ERC2: variants seen among roughly 807,000 people sequenced by gnomAD.
ERC2 encodes ELKS/RAB6-interacting/CAST family member 2, also known as ERC protein 2.
Under a neutral mutation model 114.8 loss-of-function variants are expected in ERC2, and 42 were observed. The ratio of observed to expected loss-of-function variants is 0.37; its 90% CI spans 0.29 to 0.47. The LOEUF (loss-of-function observed/expected upper bound fraction) is 0.47, where lower values mean the gene tolerates loss of function less well. ERC2 is among the 20% of genes least tolerant of loss of function. The pLI is 0.99. For synonymous variants in ERC2, 454 were observed against 425.5 expected (o/e 1.07, Z -0.82); for missense variants, 939 against 1,150.7 (o/e 0.82, Z 2.66).
intron 11 of ERC2, among the ~76,000 whole-genome samples, chr3:55,989,501 T>C (rs61302423): frequency 0.033 from 4,967 of 152,252 alleles, 295 homozygotes; most frequent in African/African-American, 0.11. Context: ...GTAGATCTCT[T>C]GCAGCCCAGC....
intron 6 of ERC2, among the ~76,000 whole-genome samples, chr3:56,107,411 C>T (rs9860909): frequency 0.17 from 26,072 of 151,922 alleles, 2,444 homozygotes; most frequent in African/African-American, 0.23. Context: ...TAGTCTCTGA[C>T]TCAACCAAGG....
At chr3:56,060,187 C>T (rs1381209035) in intron 7 of ERC2, among the ~76,000 whole-genome samples, 2 of 152,186 alleles carry the variant, frequency 1.3e-5, no homozygotes, top group Non-Finnish European at 2.9e-5. Flanking sequence ...TCAATGAACA[C>T]ACAAATGAAG....
intron 17 of ERC2, among the ~76,000 whole-genome samples, chr3:55,562,680 C>T (rs2056104865): frequency 6.6e-6 from 1 of 152,130 alleles, no homozygotes; most frequent in Non-Finnish European, 1.5e-5. Flanking sequence ...AGCCCAATTG[C>T]CCTCCCATCC....
intron 17 of ERC2, among the ~76,000 whole-genome samples, chr3:55,535,255 T>C (rs1365218109): frequency 1.3e-5 from 2 of 152,212 alleles, no homozygotes; most frequent in Admixed American, 6.5e-5. Context: ...AAATATCCTC[T>C]GGAATATTGG....
At chr3:55,537,904 A>T (rs1449626902) in intron 17 of ERC2, among the ~76,000 whole-genome samples, 1 of 152,146 alleles carries the variant, frequency 6.6e-6, no homozygotes, top group East Asian at 1.9e-4. Context: ...TGTGCCTATT[A>T]CTCTATTAGA....
intron 1 of ERC2, among the ~76,000 whole-genome samples, chr3:56,455,016 C>T (rs1285152173): frequency 1.3e-5 from 2 of 151,892 alleles, no homozygotes; most frequent in Non-Finnish European, 2.9e-5. Context: ...TTCATAGAGA[C>T]AGAAAGTATA....
At chr3:55,806,819 T>C (rs927466879) in intron 14 of ERC2, among the ~76,000 whole-genome samples, 2 of 152,138 alleles carry the variant, frequency 1.3e-5, no homozygotes, top group African/African-American at 2.4e-5. Context: ...CCAACTGACG[T>C]TGGGCAAATG....
At chr3:55,590,329 G>A (rs952104739) in intron 17 of ERC2, among the ~76,000 whole-genome samples, 3 of 152,188 alleles carry the variant, frequency 2.0e-5, no homozygotes, top group African/African-American at 7.2e-5. Flanking sequence ...AAACATCATA[G>A]AAACAAATTT....
chr3:55,956,527 AT>A (rs1195526010), intron 12 of ERC2, among the ~76,000 whole-genome samples: 2,054 of 151,668 alleles, frequency 0.014, 47 homozygotes, highest in African/African-American at 0.047. Context: ...TATTCTAAGG[AT>A]TTTTTTTTAT....
At chr3:56,041,164 G>C (rs1299899178) in intron 7 of ERC2, among the ~76,000 whole-genome samples, 1 of 151,918 alleles carries the variant, frequency 6.6e-6, no homozygotes, top group Non-Finnish European at 1.5e-5. Context: ...ATTTTCTATT[G>C]TATCTTGGAC....
intron 6 of ERC2, among the ~76,000 whole-genome samples, chr3:56,116,145 T>C (rs1350679173): frequency 6.6e-6 from 1 of 152,186 alleles, no homozygotes; most frequent in Non-Finnish European, 1.5e-5. Context: ...GGTAATGAAC[T>C]ATCTTGCCAG....
At chr3:55,558,206 T>C (rs907230976) in intron 17 of ERC2, among the ~76,000 whole-genome samples, 2 of 152,242 alleles carry the variant, frequency 1.3e-5, no homozygotes, top group African/African-American at 4.8e-5. Context: ...TCTTTGCCAA[T>C]TGACTAAATG....
At chr3:55,590,677 A>G (rs1323436388) in intron 17 of ERC2, among the ~76,000 whole-genome samples, 1 of 152,236 alleles carries the variant, frequency 6.6e-6, no homozygotes, top group East Asian at 1.9e-4. Context: ...TTGCATATGC[A>G]CTTATGCATG....
chr3:56,217,713 G>C (rs548871403), intron 3 of ERC2, among the ~76,000 whole-genome samples: 142 of 152,284 alleles, frequency 9.3e-4, no homozygotes, highest in African/African-American at 3.3e-3. Context: ...AAAGCTGGAG[G>C]CATCACGCTA....
chr3:56,459,526 ACCAC>A (rs1219322059), intron 1 of ERC2, among the ~76,000 whole-genome samples: 1 of 67,882 alleles, frequency 1.5e-5, no homozygotes, highest in Admixed American at 2.0e-4. Context: ...ATGCTATCAG[ACCAC>A]ACACACACAC....
intron 16 of ERC2, 83 bp downstream of exon 16, chr3:55,699,295 T>C: frequency 6.5e-7 from 1 of 1,539,496 alleles, no homozygotes; most frequent in Admixed American, 1.7e-5. Flanking sequence ...ATGATGTTTA[T>C]TATTTCTTGA....
intron 4 of ERC2, among the ~76,000 whole-genome samples, chr3:56,166,463 T>C (rs2082331567): frequency 6.6e-6 from 1 of 152,060 alleles, no homozygotes; most frequent in Non-Finnish European, 1.5e-5. Context: ...CTTCAAACAT[T>C]TGGTACAATT....
At position 56,397,002 on chromosome 3, in the gene ERC2, C is replaced by G. The variant is rs1299874063; in HGVS notation, c.657+37349G>C. On this transcript the variant is annotated intron_variant, in intron 2 of 17. Transcript: ENST00000288221. ...AGTAATCAGTTCCCCTGCCTTTACC[C>G]TGTTAGGGCACAAGCTCCTAGAAGA... Among the ~76,000 whole-genome samples the G allele has an allele frequency of 3.9e-5, 6 of 152,262 alleles. No homozygotes were observed. The East Asian group carries it at 1.2e-3, about 29-fold the overall frequency.
At chr3:56,088,131 G>T (rs1478143438) in intron 6 of ERC2, among the ~76,000 whole-genome samples, 2 of 152,084 alleles carry the variant, frequency 1.3e-5, no homozygotes, top group Non-Finnish European at 2.9e-5. Flanking sequence ...CTTCCTCAGA[G>T]ATCGTAGAGG....
Sources: gnomAD v4.1 joint callset for allele counts (sites outside exome capture counted in the v4.1 genomes callset) on GRCh38, gnomAD v4.1.1 for gene constraint, MANE v1.5 for transcripts, NCBI Gene and HGNC (gene_info 2026-07-23, HGNC 2026-07-21) for gene names.